NRXN1: variants seen among roughly 807,000 people sequenced by gnomAD.
NRXN1 encodes neurexin 1.
Under a neutral mutation model 150.9 loss-of-function variants are expected in NRXN1, and 39 were observed. The ratio of observed to expected loss-of-function variants is 0.26; its 90% CI spans 0.20 to 0.34. NRXN1 has a LOEUF of 0.34. NRXN1 is among the 10% of genes least tolerant of loss of function. The pLI is 1.00. For missense variants in NRXN1, 1,815 were observed against 1,949.9 expected (o/e 0.93, Z 1.30); for synonymous variants, 924 against 757.0 (o/e 1.22, Z -3.62).
At chr2:50,930,884 C>G (rs938527257) in intron 2 of NRXN1, among the ~76,000 whole-genome samples, 4 of 152,154 alleles carry the variant, frequency 2.6e-5, no homozygotes, top group African/African-American at 9.7e-5. Context: ...AGAAAGGTGG[C>G]TCAGGTGAGC....
intron 17 of NRXN1, among the ~76,000 whole-genome samples, chr2:50,365,996 C>A (rs544179013): frequency 9.6e-4 from 146 of 151,866 alleles, no homozygotes; most frequent in African/African-American, 3.5e-3. Context: ...AATAAAATAA[C>A]CTTAGAAGTA....
At chr2:50,294,972 T>C (rs747056154) in intron 17 of NRXN1, among the ~76,000 whole-genome samples, 1 of 152,214 alleles carries the variant, frequency 6.6e-6, no homozygotes, top group Non-Finnish European at 1.5e-5. Context: ...TACTGTTTGG[T>C]CCAGCCCTGG....
At chr2:50,278,238 TATAA>T (rs1254075807) in intron 17 of NRXN1, among the ~76,000 whole-genome samples, 1 of 126,660 alleles carries the variant, frequency 7.9e-6, no homozygotes, top group Non-Finnish European at 1.6e-5. Context: ...TTTATATATA[TATAA>T]TATATATATA....
chr2:50,784,043 G>A (rs1464070698), intron 5 of NRXN1, among the ~76,000 whole-genome samples: 1 of 152,062 alleles, frequency 6.6e-6, no homozygotes, highest in Non-Finnish European at 1.5e-5. Flanking sequence ...CAAAATTCTG[G>A]AAAATGGTAT....
intron 5 of NRXN1, among the ~76,000 whole-genome samples, chr2:50,799,907 C>T (rs1250749936): frequency 6.6e-6 from 1 of 152,104 alleles, no homozygotes; most frequent in Non-Finnish European, 1.5e-5. Flanking sequence ...CACATACACA[C>T]ACACACACGA....
At chr2:50,450,391 C>G (rs2086850494) in intron 17 of NRXN1, among the ~76,000 whole-genome samples, 1 of 150,978 alleles carries the variant, frequency 6.6e-6, no homozygotes, top group Admixed American at 6.6e-5. Flanking sequence ...ATATATTAAA[C>G]ACCAGGCATG....
At chr2:50,864,766 A>T (rs1471838752) in intron 5 of NRXN1, among the ~76,000 whole-genome samples, 1 of 152,004 alleles carries the variant, frequency 6.6e-6, no homozygotes. Context: ...AGTATCTGTG[A>T]GACGTCCTTT....
At chr2:49,955,191 T>C (rs1013198137) in intron 21 of NRXN1, among the ~76,000 whole-genome samples, 3 of 152,274 alleles carry the variant, frequency 2.0e-5, no homozygotes, top group Middle Eastern at 3.4e-3. Context: ...GAAAAAGGCA[T>C]GATTGTCACA....
At chr2:50,722,463 T>C (rs527400166) in intron 5 of NRXN1, among the ~76,000 whole-genome samples, 4 of 152,314 alleles carry the variant, frequency 2.6e-5, no homozygotes, top group East Asian at 1.9e-4. Flanking sequence ...ATTAAAATCA[T>C]ATTGCAGCAG....
chr2:50,696,695 G>A (rs1377716086), intron 5 of NRXN1, among the ~76,000 whole-genome samples: 4 of 152,110 alleles, frequency 2.6e-5, no homozygotes, highest in East Asian at 3.9e-4. Flanking sequence ...ATGAATTTTC[G>A]GGTGAGGATC....
chr2:51,023,879 A>ACC (rs1300712795), intron 2 of NRXN1, among the ~76,000 whole-genome samples: 2 of 152,186 alleles, frequency 1.3e-5, no homozygotes, highest in African/African-American at 4.8e-5. Context: ...TATCATACTG[A>ACC]CATGTTCAGT....
chr2:50,513,131 G>A (rs1218928008), intron 12 of NRXN1, among the ~76,000 whole-genome samples: 1 of 152,142 alleles, frequency 6.6e-6, no homozygotes, highest in African/African-American at 2.4e-5. Context: ...TAGATTTGTT[G>A]TAAGGACTAA....
At chr2:50,387,446 CT>C (rs2081400746) in intron 17 of NRXN1, among the ~76,000 whole-genome samples, 1 of 152,146 alleles carries the variant, frequency 6.6e-6, no homozygotes, top group South Asian at 2.1e-4. Flanking sequence ...GCCCCAACTA[CT>C]TACAGTGAAC....
chr2:49,961,522 G>A (rs1412697440), intron 21 of NRXN1, among the ~76,000 whole-genome samples: 10 of 151,850 alleles, frequency 6.6e-5, no homozygotes, highest in Admixed American at 5.9e-4. Context: ...GATCTAAAAA[G>A]AAAAACAACC....
intron 5 of NRXN1, among the ~76,000 whole-genome samples, chr2:50,858,668 AC>A (rs1176523799): frequency 6.6e-6 from 1 of 152,170 alleles, no homozygotes; most frequent in East Asian, 1.9e-4. Context: ...TATGCAGACT[AC>A]TTTAAACATC....
chr2:50,958,105 T>TCAA (rs1558490380), intron 2 of NRXN1, among the ~76,000 whole-genome samples: 3 of 152,174 alleles, frequency 2.0e-5, no homozygotes, highest in Non-Finnish European at 4.4e-5. Context: ...AAAGTTTTGT[T>TCAA]TCGCTTTGTT....
Position 49,920,967 on chromosome 2 carries a change from A to AAAAT in NRXN1, c.*973_*976dup, listed in dbSNP as rs1213426516. On this transcript the variant is annotated 3_prime_UTR_variant, in exon 23 of 23. Transcript: ENST00000401669. ...AAACACTACACTGTAATTTCTTTAAAAAATAAAAGTAATTGTGGCAATTTA... is the reference window on the plus strand; with the variant it reads ...AAACACTACACTGTAATTTCTTTAAAAAATAAATAAAAGTAATTGTGGCAATTTA... The AAAAT allele has an allele frequency of 8.8e-6, 1 of 114,098 alleles. No homozygotes were observed. The highest frequency in any genetic ancestry group is 3.3e-5 in the African/African-American group (1 of 30,296). The allele number at this position is 114,098 out of a possible 1,614,324, so 7.1% of individuals were successfully genotyped here. A position where few individuals can be genotyped will look rare whatever the true frequency, so the allele number is the denominator to read the frequency against.
chr2:49,964,709 C>T (rs1016527268), intron 21 of NRXN1, among the ~76,000 whole-genome samples: 3 of 151,582 alleles, frequency 2.0e-5, no homozygotes, highest in South Asian at 2.1e-4. Flanking sequence ...GACATGGTGG[C>T]GGGCACCTGT....
chr2:50,016,905 C>G (rs1573428854), intron 21 of NRXN1, among the ~76,000 whole-genome samples: 1 of 152,110 alleles, frequency 6.6e-6, no homozygotes, highest in East Asian at 1.9e-4. Flanking sequence ...TCCTCCACTT[C>G]CAGACTTAAT....
Sources: allele counts gnomAD v4.1 joint callset (sites outside exome capture counted in the v4.1 genomes callset), GRCh38; gene constraint gnomAD v4.1.1; transcripts MANE v1.5; gene names NCBI Gene and HGNC (gene_info 2026-07-23, HGNC 2026-07-21).